COL5A2: variants seen among roughly 807,000 people sequenced by gnomAD.
COL5A2 encodes the protein collagen alpha-2(V) chain.
COL5A2 carries 23 observed loss-of-function variants against 208.2 expected under a neutral mutation model. The observed-to-expected ratio is 0.11, with a 90% confidence interval of 0.08 to 0.16. COL5A2 has a LOEUF of 0.16. Among genes scored for constraint, COL5A2 ranks in the 10% least tolerant of loss-of-function variants. The probability of loss-of-function intolerance (pLI) is 1.00; values close to 1 mark genes in which losing one functional copy is unlikely to be tolerated. For missense variants in COL5A2, 1,590 were observed against 1,956.4 expected (o/e 0.81, Z 3.53); for synonymous variants, 625 against 628.5 (o/e 0.99, Z 0.08).
the COL5A2 span, among the ~76,000 whole-genome samples, chr2:189,292,643 G>T: frequency 0.039 from 5,905 of 152,190 alleles, 129 homozygotes; most frequent in Admixed American, 0.052. Flanking sequence ...GGAACACTTT[G>T]ACACTGTTGG....
At chr2:189,172,653 A>G (rs546378193) in intron 1 of COL5A2, among the ~76,000 whole-genome samples, 4 of 152,270 alleles carry the variant, frequency 2.6e-5, no homozygotes, top group Non-Finnish European at 4.4e-5. Flanking sequence ...TGATGGCTGG[A>G]CCAAGCTTTA....
At chr2:189,273,139 T>C in the COL5A2 span, among the ~76,000 whole-genome samples, 1 of 152,302 alleles carries the variant, frequency 6.6e-6, no homozygotes, top group South Asian at 2.1e-4. Flanking sequence ...CATATTTATA[T>C]GATGGAAAGA....
chr2:189,344,283 T>C, the COL5A2 span, among the ~76,000 whole-genome samples: 5 of 152,184 alleles, frequency 3.3e-5, no homozygotes, highest in Non-Finnish European at 1.5e-5. Context: ...ACAGTTTCCA[T>C]GGCAGTTTGA....
At chr2:189,281,802 T>G in the COL5A2 span, among the ~76,000 whole-genome samples, 1 of 152,184 alleles carries the variant, frequency 6.6e-6, no homozygotes, top group African/African-American at 2.4e-5. Flanking sequence ...AGTAAGAAAC[T>G]AATAAGTACA....
At chr2:189,419,666 C>T in the COL5A2 span, among the ~76,000 whole-genome samples, 1 of 151,180 alleles carries the variant, frequency 6.6e-6, no homozygotes, top group Non-Finnish European at 1.5e-5. Flanking sequence ...AGTGGTGGCA[C>T]ACGTCTATAG....
At chr2:189,315,100 A>G in the COL5A2 span, among the ~76,000 whole-genome samples, 1 of 152,210 alleles carries the variant, frequency 6.6e-6, no homozygotes, top group African/African-American at 2.4e-5. Context: ...TCATCCTGAT[A>G]CCCAAACCTG....
chr2:189,298,915 T>A, the COL5A2 span, among the ~76,000 whole-genome samples: 1 of 152,212 alleles, frequency 6.6e-6, no homozygotes, highest in African/African-American at 2.4e-5. Flanking sequence ...TACTACTAAC[T>A]CTGAAGGAAG....
the COL5A2 span, chr2:189,311,281 G>A: frequency 4.2e-6 from 6 of 1,431,944 alleles, no homozygotes; most frequent in Non-Finnish European, 5.8e-6. Flanking sequence ...GAACTTTGGT[G>A]TCATTGGTCT....
upstream of COL5A2, among the ~76,000 whole-genome samples, chr2:189,180,378 T>C (rs1316612324): frequency 2.0e-5 from 3 of 152,202 alleles, no homozygotes; most frequent in Non-Finnish European, 4.4e-5. Flanking sequence ...TAAGAAAGCA[T>C]GTCCTTTCCT....
At chr2:189,075,809 AC>A (rs1326824065) in intron 16 of COL5A2, among the ~76,000 whole-genome samples, 9 of 152,212 alleles carry the variant, frequency 5.9e-5, no homozygotes, top group African/African-American at 2.2e-4. Context: ...AAAATAAAAT[AC>A]ACAAGAGAGA....
the COL5A2 span, among the ~76,000 whole-genome samples, chr2:189,382,116 A>G: frequency 6.6e-6 from 1 of 152,314 alleles, no homozygotes; most frequent in East Asian, 1.9e-4. Context: ...AATATTTCTA[A>G]CAACTTAAAC....
chr2:189,284,918 C>G, the COL5A2 span, among the ~76,000 whole-genome samples: 8 of 151,998 alleles, frequency 5.3e-5, no homozygotes, highest in Non-Finnish European at 1.2e-4. Flanking sequence ...ATAAGGTATG[C>G]TTGGATAACA....
chr2:189,095,021 C>T (rs903614919), intron 6 of COL5A2: 1 of 151,822 alleles, frequency 6.6e-6, no homozygotes, highest in Non-Finnish European at 1.5e-5. Context: ...TGGGTAGATA[C>T]CAGGAATGCC....
chr2:189,328,839 T>C, the COL5A2 span, among the ~76,000 whole-genome samples: 1 of 152,224 alleles, frequency 6.6e-6, no homozygotes, highest in Admixed American at 6.5e-5. Flanking sequence ...ACATAGTATG[T>C]GATAAAGTAC....
rs142274848 is a variant in COL5A2 at position 189,176,718 on chromosome 2, C to T, written c.97+2790G>A. On this transcript the variant is annotated intron_variant, in intron 1 of 53. Coordinates refer to ENST00000374866, the MANE Select transcript of COL5A2 (RefSeq NM_000393.5). ...CACTCTCACCACACGCACACACACA[C>T]GCACACACACTCTTTAAAAGCTGAT... Among the ~76,000 whole-genome samples, 48 of 152,038 alleles carry T rather than the reference C, an allele frequency of 3.2e-4. No individual in the cohort carries two copies. In the East Asian group the frequency reaches 4.2e-3, roughly 13 times the overall value.
At chr2:189,283,166 C>T in the COL5A2 span, among the ~76,000 whole-genome samples, 9 of 147,994 alleles carry the variant, frequency 6.1e-5, no homozygotes, top group East Asian at 1.8e-3. Flanking sequence ...ATGCTGTTGA[C>T]TTGTTTGAAA....
chr2:189,193,623 A>G (rs556774459), intron 1 of COL5A2, among the ~76,000 whole-genome samples: 1 of 152,312 alleles, frequency 6.6e-6, no homozygotes, highest in South Asian at 2.1e-4. Flanking sequence ...CATTTAGTTA[A>G]GAGGGATTAA....
chr2:189,298,317 C>T, the COL5A2 span, among the ~76,000 whole-genome samples: 148 of 152,254 alleles, frequency 9.7e-4, 1 homozygote, highest in Middle Eastern at 3.4e-3. Context: ...TCTCTTGTGA[C>T]GGTTGTATGA....
chr2:189,263,945 G>A, the COL5A2 span, among the ~76,000 whole-genome samples: 1 of 151,668 alleles, frequency 6.6e-6, no homozygotes, highest in Non-Finnish European at 1.5e-5. Context: ...TCAAAGAATT[G>A]GAATATGCAA....
Sources: allele counts gnomAD v4.1 joint callset (sites outside exome capture counted in the v4.1 genomes callset), GRCh38; gene constraint gnomAD v4.1.1; transcripts MANE v1.5; gene names NCBI Gene and HGNC (gene_info 2026-07-23, HGNC 2026-07-21).